The following CHCHD3 variants were observed in gnomAD, a reference collection of about 807,000 sequenced individuals.
CHCHD3 encodes MICOS complex subunit MIC19.
In CHCHD3, 20 loss-of-function variants were observed where a neutral mutation model predicts 38.2. The ratio of observed to expected loss-of-function variants is 0.52; its 90% CI spans 0.37 to 0.76. CHCHD3 has a LOEUF of 0.76. Among genes scored for constraint, CHCHD3 ranks in the 30% least tolerant of loss-of-function variants. The probability of loss-of-function intolerance (pLI) is 0.00; values close to 1 mark genes in which losing one functional copy is unlikely to be tolerated. For missense variants in CHCHD3, 245 were observed against 279.2 expected (o/e 0.88, Z 0.87); for synonymous variants, 82 against 100.0 (o/e 0.82, Z 1.07).
chr7:132,841,894 G>A (rs919884246), intron 5 of CHCHD3, among the ~76,000 whole-genome samples: 1 of 151,876 alleles, frequency 6.6e-6, no homozygotes, highest in East Asian at 1.9e-4. Context: ...TCAGGAGTTC[G>A]AGACCAGCCT....
chr7:132,879,497 G>A (rs1808995235), intron 5 of CHCHD3, among the ~76,000 whole-genome samples: 1 of 151,794 alleles, frequency 6.6e-6, no homozygotes, highest in Non-Finnish European at 1.5e-5. Flanking sequence ...CATTATCAAA[G>A]AGCTCAAGTC....
In CHCHD3 at chr7:132,975,294, G is replaced by A. The variant is rs1472633260; in HGVS notation, c.252-8C>T. ...TCTTTGGCTTGCTTTAGTCTAAAAT[G>A]ACAAGAATTGTCTAAGTTAGAAAAA... is the stretch of plus-strand genomic sequence containing the variant. On this transcript the variant is annotated splice_region_variant and splice_polypyrimidine_tract_variant and intron_variant, in intron 3 of 7. Coordinates refer to ENST00000262570, the MANE Select transcript of CHCHD3 (RefSeq NM_017812.4). 15 of 1,597,726 alleles carry A rather than the reference G, an allele frequency of 9.4e-6. No individual in the cohort carries two copies. The highest frequency in any genetic ancestry group is 2.7e-5 in the African/African-American group (2 of 74,446).
chr7:132,821,789 T>A (rs1807382954), intron 6 of CHCHD3, among the ~76,000 whole-genome samples: 5 of 130,814 alleles, frequency 3.8e-5, no homozygotes, highest in Non-Finnish European at 7.7e-5. Flanking sequence ...GGAGTCTCGC[T>A]CTGTCGTCCA....
chr7:132,959,254 G>T (rs570721895), intron 4 of CHCHD3, among the ~76,000 whole-genome samples: 2 of 152,342 alleles, frequency 1.3e-5, no homozygotes, highest in African/African-American at 4.8e-5. Flanking sequence ...TGCAAAGTAT[G>T]TATTACAAAT....
chr7:132,993,102 C>A (rs1007804940), intron 3 of CHCHD3, among the ~76,000 whole-genome samples: 1 of 152,118 alleles, frequency 6.6e-6, no homozygotes, highest in Non-Finnish European at 1.5e-5. Flanking sequence ...TTCTTTCTAT[C>A]TGGAAGTTCA....
intron 2 of CHCHD3, among the ~76,000 whole-genome samples, chr7:133,062,530 TAAC>T (rs1445756579): frequency 1.3e-5 from 2 of 152,172 alleles, no homozygotes; most frequent in African/African-American, 4.8e-5. Flanking sequence ...TTATGACAAA[TAAC>T]AACACTTGTT....
chr7:133,070,702 G>T (rs761587225), intron 1 of CHCHD3, among the ~76,000 whole-genome samples: 1 of 151,906 alleles, frequency 6.6e-6, no homozygotes, highest in Non-Finnish European at 1.5e-5. Flanking sequence ...TTTCATGATG[G>T]ATCAACTATG....
At chr7:133,080,899 GA>G (rs1168919570) in intron 1 of CHCHD3, among the ~76,000 whole-genome samples, 3 of 148,326 alleles carry the variant, frequency 2.0e-5, no homozygotes, top group East Asian at 2.0e-4. Context: ...GTTGATAACA[GA>G]AAAAAATATA....
intron 6 of CHCHD3, among the ~76,000 whole-genome samples, chr7:132,822,448 G>A (rs1397616695): frequency 1.3e-5 from 2 of 151,302 alleles, no homozygotes; most frequent in African/African-American, 4.9e-5. Flanking sequence ...AAAAGTCTTG[G>A]GAGGCCAATT....
intron 6 of CHCHD3, among the ~76,000 whole-genome samples, chr7:132,814,674 C>T (rs567663238): frequency 1.3e-5 from 2 of 152,216 alleles, no homozygotes; most frequent in Non-Finnish European, 2.9e-5. Flanking sequence ...CATAAAATCA[C>T]AGTATGTGTG....
chr7:133,068,016 T>G (rs1814720501), intron 2 of CHCHD3, among the ~76,000 whole-genome samples: 1 of 151,774 alleles, frequency 6.6e-6, no homozygotes. Flanking sequence ...CTCAGGAGAC[T>G]GAGGCAGGAG....
At chr7:132,811,540 T>C (rs906692792) in intron 6 of CHCHD3, among the ~76,000 whole-genome samples, 5 of 152,232 alleles carry the variant, frequency 3.3e-5, no homozygotes, top group African/African-American at 1.2e-4. Flanking sequence ...CTCCACTTCC[T>C]TACCTTCCAT....
intron 4 of CHCHD3, among the ~76,000 whole-genome samples, chr7:132,910,174 G>A (rs199672736): frequency 6.6e-6 from 1 of 152,164 alleles, no homozygotes; most frequent in East Asian, 1.9e-4. Context: ...ATATATTAAG[G>A]GCGGCCCTGG....
chr7:132,886,750 C>T (rs1809228098), intron 4 of CHCHD3, among the ~76,000 whole-genome samples: 1 of 151,150 alleles, frequency 6.6e-6, no homozygotes, highest in African/African-American at 2.4e-5. Context: ...ATATATATTA[C>T]TTTTAATATG....
chr7:132,912,070 C>A (rs898998590), intron 4 of CHCHD3, among the ~76,000 whole-genome samples: 3 of 152,194 alleles, frequency 2.0e-5, no homozygotes, highest in African/African-American at 7.2e-5. Context: ...CCTCTGTAAG[C>A]AACTACTCAC....
chr7:133,064,999 A>G (rs1162015218), intron 2 of CHCHD3, among the ~76,000 whole-genome samples: 1 of 152,222 alleles, frequency 6.6e-6, no homozygotes, highest in South Asian at 2.1e-4. Flanking sequence ...AAAGGAAACA[A>G]TCAGCACCCA....
At position 132,937,188 on chromosome 7, in the gene CHCHD3, C is replaced by G. The variant is rs181708521; in HGVS notation, c.369+37981G>C. Reference sequence around the variant, plus strand: ...TTATGGCCTTTATAGAAATTATATACCACTCAACAGCTTTGATAAATATGA... The same window carrying G: ...TTATGGCCTTTATAGAAATTATATAGCACTCAACAGCTTTGATAAATATGA... On this transcript the variant is annotated intron_variant, in intron 4 of 7. Transcript: ENST00000262570. 2.6e-5 allele frequency among the ~76,000 whole-genome samples: 4 copies of G among 152,128 alleles called. No individual in the cohort carries two copies. The East Asian group carries it at 7.7e-4, about 29-fold the overall frequency.
intron 3 of CHCHD3, among the ~76,000 whole-genome samples, chr7:132,982,078 G>C (rs972675566): frequency 3.9e-5 from 6 of 152,092 alleles, no homozygotes; most frequent in African/African-American, 1.4e-4. Flanking sequence ...TTAAACAGAA[G>C]AGCTAAGCTG....
intron 4 of CHCHD3, among the ~76,000 whole-genome samples, chr7:132,888,864 G>T (rs902285187): frequency 6.6e-6 from 1 of 152,016 alleles, no homozygotes; most frequent in African/African-American, 2.4e-5. Flanking sequence ...CATGAGAAAT[G>T]GGGGAGGGAG....
Sources: allele counts gnomAD v4.1 joint callset (sites outside exome capture counted in the v4.1 genomes callset), GRCh38; gene constraint gnomAD v4.1.1; transcripts MANE v1.5; gene names NCBI Gene and HGNC (gene_info 2026-07-23, HGNC 2026-07-21).